Variants in ABCA4 observed in about 807,000 individuals in gnomAD.
ABCA4 encodes the protein ATP binding cassette subfamily A member 4, also known as retinal-specific phospholipid-transporting ATPase ABCA4.
ABCA4 carries 196 observed loss-of-function variants against 263.7 expected under a neutral mutation model. That is an observed-to-expected ratio of 0.74 (90% confidence interval 0.66 to 0.84). The LOEUF is 0.84. Ranked by LOEUF, ABCA4 falls within the 40% of genes least tolerant of loss-of-function variation. ABCA4 has a pLI of 0.00. For missense variants in ABCA4, 2,792 were observed against 2,855.1 expected (o/e 0.98, Z 0.50); for synonymous variants, 1,133 against 1,094.2 (o/e 1.04, Z -0.70).
chr1:94,070,749 G>A (rs1661379279), intron 11 of ABCA4, among the ~76,000 whole-genome samples: 1 of 152,178 alleles, frequency 6.6e-6, no homozygotes, highest in East Asian at 1.9e-4. Flanking sequence ...CCTGGCAGTC[G>A]AGTGGGGGAA....
chr1:94,013,611 G>A (rs1435974621), intron 38 of ABCA4, among the ~76,000 whole-genome samples: 1 of 152,142 alleles, frequency 6.6e-6, no homozygotes, highest in Non-Finnish European at 1.5e-5. Context: ...GGAGTGTGGA[G>A]TGTGGAGTAA....
Position 94,044,681 on chromosome 1 carries a change from A to G in ABCA4, c.2982T>C (p.Ile994=), listed in dbSNP as rs1660622253. ...SGTVLVGGRD[I]ETSLDAVRQS... ...GCCGGACTGCATCCAGGCTGGTTTC[A>G]ATGTCCCTTCCCCCAACGAGCACAG... Residue 994 remains isoleucine, a synonymous_variant, in exon 20 of 50, where the codon ATT becomes ATC. Coordinates refer to ENST00000370225, the MANE Select transcript of ABCA4 (RefSeq NM_000350.3). 9.9e-6 allele frequency: 16 copies of G among 1,614,170 alleles called. No individual in the cohort carries two copies. The highest frequency in any genetic ancestry group is 1.3e-5 in the Non-Finnish European group (15 of 1,180,024).
At chr1:94,065,533 T>C (rs1188323658) in intron 11 of ABCA4, among the ~76,000 whole-genome samples, 5 of 152,210 alleles carry the variant, frequency 3.3e-5, no homozygotes, top group Non-Finnish European at 1.5e-5. Context: ...ACCGGAAGCC[T>C]CTGGCGATTC....
intron 1 of ABCA4, among the ~76,000 whole-genome samples, chr1:94,114,125 T>C (rs957923133): frequency 1.1e-4 from 16 of 152,226 alleles, no homozygotes; most frequent in South Asian, 2.1e-4. Context: ...TGGTCTTTCA[T>C]GTAACCCTTT....
rs748487419 is a variant in ABCA4 at position 94,080,495 on chromosome 1, G to T, written c.1082C>A (p.Ser361Tyr). Reference protein sequence around the residue: ...IDSTRKDPIYSYDRRTTSFCN... With the variant: ...IDSTRKDPIYYYDRRTTSFCN... Reference sequence around the variant, plus strand: ...AAACTTACTTGTTCTTCTGTCATAAGAATAGATAGGATCCTTCCTTGTGGA... The same window carrying T: ...AAACTTACTTGTTCTTCTGTCATAATAATAGATAGGATCCTTCCTTGTGGA... The change falls in exon 8 of 50, where the codon TCT (serine) becomes TAT (tyrosine). Residue 361 changes from serine (S) to tyrosine (Y), a missense_variant. Physicochemically the swap from Ser to Tyr is moderately radical, Grantham distance 144 (BLOSUM62 -2). Coordinates refer to ENST00000370225, the MANE Select transcript of ABCA4 (RefSeq NM_000350.3). 36 of 1,614,190 alleles carry T rather than the reference G, an allele frequency of 2.2e-5. 1 individual carries two copies. Among genetic ancestry groups the T allele is most frequent in the South Asian group, 6.6e-5 (6 of 91,068 alleles).
rs1401716074 is a variant in ABCA4 at position 94,021,949 on chromosome 1, T to C, written c.4670A>G (p.Tyr1557Cys). ...CTTTCCTCCAATGGAAATTCCTCCA[T>C]ACCTGACAAGGAAACAGGAAATCCT... is the stretch of plus-strand genomic sequence containing the variant. ...KSKFWVNEQR[Y>C]GGISIGGKLP... The change falls in exon 33 of 50, where the codon TAT (tyrosine) becomes TGT (cysteine). Residue 1557 changes from tyrosine (Y) to cysteine (C), a missense_variant and splice_region_variant. By Grantham distance (194) the Tyr-to-Cys change is radical. Transcript: ENST00000370225. 5 of 1,613,984 alleles carry C rather than the reference T, an allele frequency of 3.1e-6. No individual in the cohort carries two copies. Among genetic ancestry groups the C allele is most frequent in the Non-Finnish European group, 4.2e-6 (5 of 1,179,844 alleles).
chr1:94,117,029 T>TTCTTTCCTC (rs1662807038), intron 1 of ABCA4, among the ~76,000 whole-genome samples: 1 of 115,778 alleles, frequency 8.6e-6, no homozygotes, highest in Non-Finnish European at 1.9e-5. Context: ...TTTCTTTCCT[T>TTCTTTCCTC]TTCTTTCTTT....
chr1:94,049,035 A>C, intron 17 of ABCA4, 78 bp from the exon 18 acceptor site: 1 of 1,434,424 alleles, frequency 7.0e-7, no homozygotes, highest in Non-Finnish European at 9.8e-7. Flanking sequence ...GGGGAGAGGT[A>C]CAGGGAGCAA....
intron 25 of ABCA4, among the ~76,000 whole-genome samples, 171 bp from the exon 26 acceptor site, chr1:94,036,959 C>T (rs1660355291): frequency 6.6e-6 from 1 of 152,152 alleles, no homozygotes; most frequent in African/African-American, 2.4e-5. Flanking sequence ...ACACAGTAAC[C>T]ACAAGTACAT....
rs72725148 is a variant in ABCA4 at position 94,015,947 on chromosome 1, G to A, written c.5197-93C>T. The A allele has an allele frequency of 0.02, 21,619 of 1,062,054 alleles. 336 individuals carry two copies. Among genetic ancestry groups the A allele is most frequent in the South Asian group, 0.045 (3,384 of 74,424 alleles). 65.8% of individuals were successfully genotyped at this position (1,062,054 alleles called of 1,614,324 possible). A position where few individuals can be genotyped will look rare whatever the true frequency, so the allele number is the denominator to read the frequency against. ...GGGTGGGGCCAGGCTCCTCCAGCTC[G>A]TAGGGTCTGGGATTCTGATTCGACT... On this transcript the variant is annotated intron_variant, in intron 36 of 49. Transcript: ENST00000370225.
At chr1:94,100,209 C>T (rs989669522) in intron 5 of ABCA4, among the ~76,000 whole-genome samples, 1 of 152,114 alleles carries the variant, frequency 6.6e-6, no homozygotes, top group Non-Finnish European at 1.5e-5. Context: ...TGGACACTTT[C>T]GATCTCAGGG....
intron 6 of ABCA4, among the ~76,000 whole-genome samples, chr1:94,086,175 G>T (rs1042891976): frequency 5.9e-5 from 9 of 152,142 alleles, no homozygotes; most frequent in Non-Finnish European, 8.8e-5. Context: ...ATAACAAGCA[G>T]ATTGATTATA....
chr1:94,083,387 C>G lies in ABCA4; in HGVS notation c.823G>C (p.Gly275Arg). The G allele has an allele frequency of 6.2e-7, 1 of 1,613,688 alleles. No homozygotes were observed. The highest frequency in any genetic ancestry group is 8.5e-7 in the Non-Finnish European group (1 of 1,179,820). ...SQGINLRSWG[G>R]ILSDMSPRIQ... ...CTTGGTGACATATCAGATAATATTC[C>G]TCCCCAAGATCTCAGATTGATACCT... The change falls in exon 7 of 50, where the codon GGA becomes CGA. Residue 275 changes from glycine (G) to arginine (R), a missense_variant. Gly to Arg is a moderately radical substitution (Grantham distance 125, BLOSUM62 -2). Coordinates refer to ENST00000370225, the MANE Select transcript of ABCA4 (RefSeq NM_000350.3).
At chr1:94,104,881 G>A (rs752243530) in intron 4 of ABCA4, among the ~76,000 whole-genome samples, 11 of 152,064 alleles carry the variant, frequency 7.2e-5, no homozygotes, top group Non-Finnish European at 1.3e-4. Context: ...CAGCTCCATT[G>A]TTCTTTTCCC....
chr1:94,075,877 G>A lies in ABCA4; in HGVS notation c.1554+1813C>T, dbSNP rs1326817713. Among the ~76,000 whole-genome samples the A allele has an allele frequency of 3.9e-5, 6 of 152,198 alleles. No homozygotes were observed. In the East Asian group the frequency reaches 1.2e-3, roughly 29 times the overall value. The stretch of plus-strand genomic sequence containing the variant: ...CAGTTTAGCTGCCCAGCCAGAGATG[G>A]ACATGTCAACAGCCAACTCTAATCT... On this transcript the variant is annotated intron_variant, in intron 11 of 49. Transcript: ENST00000370225.
chr1:93,998,606 C>A (rs534593069), intron 47 of ABCA4, among the ~76,000 whole-genome samples: 74 of 152,172 alleles, frequency 4.9e-4, no homozygotes, highest in Middle Eastern at 3.4e-3. Flanking sequence ...CCATGGTAGT[C>A]CCTGGAGAAA....
At chr1:93,996,799 G>A (rs531304667) in intron 48 of ABCA4, among the ~76,000 whole-genome samples, 33 of 152,102 alleles carry the variant, frequency 2.2e-4, no homozygotes, top group African/African-American at 7.2e-4. Flanking sequence ...AATATTATTC[G>A]GCCTGAAAAA....
rs186155136 is a variant in ABCA4, at chr1:94,016,005, A to T, written c.5197-151T>A. 1.4e-4 allele frequency: 100 copies of T among 736,538 alleles called. No individual in the cohort carries two copies. In the African/African-American group the frequency reaches 1.7e-3, roughly 12 times the overall value. 45.6% of individuals were successfully genotyped at this position (736,538 alleles called of 1,614,324 possible). ...TAAACAGTTCTTGGTTGGCAAACAT[A>T]TGTTAAGCTGTCACTAGTCCTCCTA... On this transcript the variant is annotated intron_variant, in intron 36 of 49. Transcript: ENST00000370225.
At chr1:94,063,357 C>G in intron 11 of ABCA4, 40 bp from the exon 12 acceptor site, 1 of 1,581,732 alleles carries the variant, frequency 6.3e-7, no homozygotes, top group South Asian at 1.1e-5. Flanking sequence ...TGAGGAGGAC[C>G]AACTGCAAAG....
Sources: gnomAD v4.1 joint callset for allele counts (sites outside exome capture counted in the v4.1 genomes callset) on GRCh38, gnomAD v4.1.1 for gene constraint, MANE v1.5 for transcripts, NCBI Gene and HGNC (gene_info 2026-07-23, HGNC 2026-07-21) for gene names.